CYRIA: variants seen among roughly 807,000 people sequenced by gnomAD.
CYRIA encodes the protein CYFIP related Rac1 interactor A.
CYRIA carries 15 observed loss-of-function variants against 43.9 expected under a neutral mutation model. The observed-to-expected ratio is 0.34, with a 90% CI of 0.23 to 0.53. CYRIA has a LOEUF of 0.53. Among genes scored for constraint, CYRIA ranks in the 20% least tolerant of loss-of-function variants. The probability of loss-of-function intolerance (pLI) is 0.94; values close to 1 mark genes in which losing one functional copy is unlikely to be tolerated. For missense variants in CYRIA, 236 were observed against 394.2 expected (o/e 0.60, Z 3.40); for synonymous variants, 117 against 136.0 (o/e 0.86, Z 0.97).
At chr2:16,590,068 GCACACACACA>G (rs70961461) in intron 2 of CYRIA, among the ~76,000 whole-genome samples, 1 of 147,710 alleles carries the variant, frequency 6.8e-6, no homozygotes, top group Non-Finnish European at 1.5e-5. Context: ...GGGCATGCAT[GCACACACACA>G]CACACACACA....
chr2:16,639,906 G>C (rs947258730), intron 1 of CYRIA, among the ~76,000 whole-genome samples: 4 of 152,304 alleles, frequency 2.6e-5, no homozygotes, highest in South Asian at 4.1e-4. Flanking sequence ...TTTGAGTAAA[G>C]CCTGACAATA....
At chr2:16,572,453 T>C (rs1444724966) in intron 3 of CYRIA, among the ~76,000 whole-genome samples, 3 of 152,180 alleles carry the variant, frequency 2.0e-5, no homozygotes, top group East Asian at 1.9e-4. Context: ...AGACATCTGA[T>C]ACTTCCCCTC....
At position 16,550,190 on chromosome 2, in the gene CYRIA, A is replaced by T. The variant is rs1396731203; in HGVS notation, c.*2746T>A. ...AACAATGAGACCTCAAATATGAAAT[A>T]TAGTTAACAATGACATTGACACTGT... On this transcript the variant is annotated 3_prime_UTR_variant, in exon 12 of 12. Coordinates refer to ENST00000381323, the MANE Select transcript of CYRIA (RefSeq NM_030797.4). 1.3e-5 allele frequency: 2 copies of T among 151,976 alleles called. No individual in the cohort carries two copies. Among genetic ancestry groups the T allele is most frequent in the Non-Finnish European group, 1.5e-5 (1 of 67,966 alleles). The allele number at this position is 151,976 out of a possible 1,614,324, so 9.4% of individuals were successfully genotyped here. A position where few individuals can be genotyped will look rare whatever the true frequency, so the allele number is the denominator to read the frequency against.
At chr2:16,615,791 G>T (rs938087002) in intron 2 of CYRIA, among the ~76,000 whole-genome samples, 16 of 152,252 alleles carry the variant, frequency 1.1e-4, no homozygotes, top group African/African-American at 3.6e-4. Flanking sequence ...GAACGTTACT[G>T]TAACATTCGG....
chr2:16,550,398 A>G lies in CYRIA; in HGVS notation c.*2538T>C, dbSNP rs1189549430. 6.6e-6 allele frequency: 1 copy of G among 152,182 alleles called. No individual in the cohort carries two copies. Among genetic ancestry groups the G allele is most frequent in the South Asian group, 2.1e-4 (1 of 4,832 alleles). 9.4% of individuals were successfully genotyped at this position (152,182 alleles called of 1,614,324 possible). On this transcript the variant is annotated 3_prime_UTR_variant, in exon 12 of 12. Coordinates refer to ENST00000381323, the MANE Select transcript of CYRIA (RefSeq NM_030797.4). ...CTGTTAAAAGAATTTGTCTCCCACA[A>G]TATCTCTGGAGTGGGCACAAAGCCC... is the stretch of plus-strand genomic sequence containing the variant.
At chr2:16,558,706 G>A (rs1666617030) in intron 10 of CYRIA, among the ~76,000 whole-genome samples, 1 of 152,154 alleles carries the variant, frequency 6.6e-6, no homozygotes, top group Admixed American at 6.5e-5. Flanking sequence ...CCTACAGCGT[G>A]TCTGTTGAGT....
At chr2:16,575,464 A>G (rs1667298566) in intron 3 of CYRIA, among the ~76,000 whole-genome samples, 1 of 152,090 alleles carries the variant, frequency 6.6e-6, no homozygotes, top group African/African-American at 2.4e-5. Context: ...ATGTTGTGGG[A>G]GGGACCTAGC....
At chr2:16,664,822 T>G (rs1670347353) in intron 1 of CYRIA, among the ~76,000 whole-genome samples, 1 of 152,138 alleles carries the variant, frequency 6.6e-6, no homozygotes. Context: ...TCCAGCCCCA[T>G]GACCCTGTCT....
intron 1 of CYRIA, among the ~76,000 whole-genome samples, chr2:16,655,774 C>CT (rs1006372020): frequency 1.1e-4 from 16 of 149,544 alleles, no homozygotes; most frequent in Admixed American, 2.7e-4. Context: ...CATTCTTGGT[C>CT]TTTTTTTTTT....
At chr2:16,574,602 G>A (rs1667260220) in intron 3 of CYRIA, among the ~76,000 whole-genome samples, 2 of 152,204 alleles carry the variant, frequency 1.3e-5, no homozygotes, top group African/African-American at 4.8e-5. Flanking sequence ...TTGGTTCCCT[G>A]CATCCCAGTT....
At chr2:16,557,814 G>A (rs1042758382) in intron 10 of CYRIA, among the ~76,000 whole-genome samples, 2 of 152,074 alleles carry the variant, frequency 1.3e-5, no homozygotes, top group African/African-American at 4.8e-5. Context: ...ATTTTTAATT[G>A]TTGACTCTGT....
chr2:16,587,862 G>A (rs1057102729), intron 3 of CYRIA, among the ~76,000 whole-genome samples, 188 bp downstream of exon 3: 2 of 152,104 alleles, frequency 1.3e-5, no homozygotes, highest in Non-Finnish European at 2.9e-5. Flanking sequence ...GGAACCGTGA[G>A]TCAAACCTCT....
chr2:16,635,580 C>G (rs1020237924), intron 1 of CYRIA, among the ~76,000 whole-genome samples: 2 of 152,136 alleles, frequency 1.3e-5, no homozygotes, highest in Admixed American at 1.3e-4. Flanking sequence ...GTGCATCCCC[C>G]CACAGTGACA....
At chr2:16,553,948 G>A (rs1666408214) in intron 11 of CYRIA, among the ~76,000 whole-genome samples, 2 of 152,120 alleles carry the variant, frequency 1.3e-5, no homozygotes, top group Admixed American at 1.3e-4. Context: ...TTTTCCCACA[G>A]ACTCTGGAAG....
chr2:16,589,342 A>AAAGGATGAC (rs1667840863), intron 2 of CYRIA, among the ~76,000 whole-genome samples: 2 of 152,128 alleles, frequency 1.3e-5, no homozygotes, highest in Non-Finnish European at 1.5e-5. Context: ...GAATGCACTG[A>AAAGGATGAC]AAGGATGACT....
intron 11 of CYRIA, 66 bp downstream of exon 11, chr2:16,555,002 AT>A: frequency 7.9e-7 from 1 of 1,266,416 alleles, no homozygotes; most frequent in East Asian, 2.4e-5. Context: ...CCACAACAGT[AT>A]TTAAATTTGC....
chr2:16,655,018 G>T (rs1033562892), intron 1 of CYRIA, among the ~76,000 whole-genome samples: 2 of 152,140 alleles, frequency 1.3e-5, no homozygotes, highest in African/African-American at 2.4e-5. Context: ...GACCTTACTA[G>T]CAGGTTGAGC....
At chr2:16,566,973 C>T (rs936456125) in intron 3 of CYRIA, among the ~76,000 whole-genome samples, 1 of 152,136 alleles carries the variant, frequency 6.6e-6, no homozygotes, top group Admixed American at 6.5e-5. Flanking sequence ...TGCAGCAGAC[C>T]TCACTAACAG....
chr2:16,615,070 T>C lies in CYRIA; in HGVS notation c.-11+8794A>G, dbSNP rs529463008. ...GCATAAATTGCTTCTAACCATGAAA[T>C]ACAAAATGGCTTATTGTTTTTTCTT... On this transcript the variant is annotated intron_variant, in intron 2 of 11. Coordinates refer to ENST00000381323, the MANE Select transcript of CYRIA (RefSeq NM_030797.4). Among the ~76,000 whole-genome samples, 223 of 152,336 alleles carry C rather than the reference T, an allele frequency of 1.5e-3. 1 individual carries two copies. Among genetic ancestry groups the C allele is most frequent in the African/African-American group, 4.8e-3 (199 of 41,580 alleles).
Sources: gnomAD v4.1 joint callset for allele counts (sites outside exome capture counted in the v4.1 genomes callset) on GRCh38, gnomAD v4.1.1 for gene constraint, MANE v1.5 for transcripts, NCBI Gene and HGNC (gene_info 2026-07-23, HGNC 2026-07-21) for gene names.